The following CNTN5 variants were observed in gnomAD, a reference collection of about 807,000 sequenced individuals.
CNTN5 encodes contactin-5.
CNTN5 carries 77 observed loss-of-function variants against 129.1 expected under a neutral mutation model. The observed-to-expected ratio is 0.60, with a 90% confidence interval of 0.50 to 0.72. The LOEUF is 0.72. Ranked by LOEUF, CNTN5 falls within the 30% of genes least tolerant of loss-of-function variation. The pLI, the probability that CNTN5 is intolerant of heterozygous loss-of-function variation, is 0.00. For synonymous variants in CNTN5, 509 were observed against 465.6 expected (o/e 1.09, Z -1.20); for missense variants, 1,478 against 1,328.8 (o/e 1.11, Z -1.75).
chr11:100,145,386 G>T (rs1946818245), intron 13 of CNTN5, among the ~76,000 whole-genome samples: 1 of 152,084 alleles, frequency 6.6e-6, no homozygotes. Flanking sequence ...CCCATTTGCT[G>T]CTCATTGATC....
rs146688328 is a variant in CNTN5, at chr11:99,720,348, G to A, written c.56-99196G>A. Reference sequence around the variant, plus strand: ...GGCTTCCCCCTAGGATGCAAAGTTGGCTCAACATATTTAAATCAGTAAATA... The same window carrying A: ...GGCTTCCCCCTAGGATGCAAAGTTGACTCAACATATTTAAATCAGTAAATA... On this transcript the variant is annotated intron_variant, in intron 3 of 24. Coordinates refer to ENST00000524871, the MANE Select transcript of CNTN5 (RefSeq NM_014361.4). Among the ~76,000 whole-genome samples, 1,045 of 152,154 alleles carry A rather than the reference G, an allele frequency of 6.9e-3. 11 individuals carry two copies. Among genetic ancestry groups the A allele is most frequent in the Non-Finnish European group, 9.0e-3 (612 of 67,986 alleles).
At chr11:99,079,645 A>C (rs527616689) in intron 1 of CNTN5, among the ~76,000 whole-genome samples, 1 of 152,326 alleles carries the variant, frequency 6.6e-6, no homozygotes, top group East Asian at 1.9e-4. Context: ...TTTCCAGCTA[A>C]ATTTATGAGC....
chr11:99,504,017 T>C (rs1946523045), intron 2 of CNTN5, among the ~76,000 whole-genome samples: 1 of 152,198 alleles, frequency 6.6e-6, no homozygotes. Flanking sequence ...TGTGTGTTAA[T>C]TGTTCAATGA....
chr11:100,059,254 A>T (rs2137794410), intron 9 of CNTN5, among the ~76,000 whole-genome samples: 1 of 152,276 alleles, frequency 6.6e-6, no homozygotes, highest in East Asian at 1.9e-4. Context: ...TGGGTGAGAG[A>T]TCCAAACATT....
chr11:100,221,568 G>T (rs542394088), intron 15 of CNTN5, among the ~76,000 whole-genome samples: 1 of 152,122 alleles, frequency 6.6e-6, no homozygotes, highest in Non-Finnish European at 1.5e-5. Context: ...CTAATGAAAC[G>T]ATCTGACCAA....
At chr11:99,060,165 T>TAAA (rs1864815258) in intron 1 of CNTN5, among the ~76,000 whole-genome samples, 1 of 152,030 alleles carries the variant, frequency 6.6e-6, no homozygotes, top group South Asian at 2.1e-4. Context: ...TATGGGCCTG[T>TAAA]AAATAAGCTG....
At chr11:99,602,704 C>T (rs971660678) in intron 3 of CNTN5, among the ~76,000 whole-genome samples, 2 of 151,518 alleles carry the variant, frequency 1.3e-5, no homozygotes, top group African/African-American at 2.4e-5. Context: ...CCCTGTCTGA[C>T]AGCTTTGAAG....
chr11:99,994,176 G>A (rs1939301291), intron 8 of CNTN5, among the ~76,000 whole-genome samples: 1 of 146,852 alleles, frequency 6.8e-6, no homozygotes. Context: ...ACAAAAGAAT[G>A]TCTTCTTTGC....
chr11:100,239,205 G>T (rs1394797517), intron 16 of CNTN5, among the ~76,000 whole-genome samples: 1 of 152,172 alleles, frequency 6.6e-6, no homozygotes, highest in Non-Finnish European at 1.5e-5. Flanking sequence ...TTAGTTTACA[G>T]AAGGACTTTT....
At chr11:99,287,838 G>A (rs1313428176) in intron 1 of CNTN5, among the ~76,000 whole-genome samples, 1 of 151,894 alleles carries the variant, frequency 6.6e-6, no homozygotes, top group African/African-American at 2.4e-5. Context: ...TTAGAAGGAG[G>A]AGGAAAAGAA....
chr11:99,476,531 G>T lies in CNTN5; in HGVS notation c.-70-79614G>T, dbSNP rs571912552. Among the ~76,000 whole-genome samples, 4 of 152,242 alleles carry T rather than the reference G, an allele frequency of 2.6e-5. No homozygotes were observed. In the East Asian group the frequency reaches 7.7e-4, roughly 29 times the overall value. On this transcript the variant is annotated intron_variant, in intron 2 of 24. Transcript: ENST00000524871. The stretch of plus-strand genomic sequence containing the variant: ...TAGGAAATTATAGTGCACAAAATAT[G>T]ATACGTACTTTGTGTTACCTAAACA...
intron 3 of CNTN5, among the ~76,000 whole-genome samples, chr11:99,789,319 G>A (rs150113372): frequency 3.9e-5 from 6 of 151,978 alleles, no homozygotes; most frequent in African/African-American, 1.4e-4. Flanking sequence ...TGATTTTACA[G>A]ATTAGAGAGA....
intron 3 of CNTN5, among the ~76,000 whole-genome samples, chr11:99,647,469 T>G (rs1470401004): frequency 6.6e-6 from 1 of 152,024 alleles, no homozygotes; most frequent in Non-Finnish European, 1.5e-5. Context: ...AATCTAGTAG[T>G]CTCATACTTT....
At chr11:99,815,602 C>T (rs555493525) in intron 3 of CNTN5, among the ~76,000 whole-genome samples, 6 of 152,108 alleles carry the variant, frequency 3.9e-5, no homozygotes, top group Non-Finnish European at 7.4e-5. Context: ...CTTGAAAAGG[C>T]CTCTTCATCC....
intron 3 of CNTN5, among the ~76,000 whole-genome samples, chr11:99,813,854 T>C (rs1234844481): frequency 6.6e-6 from 1 of 152,088 alleles, no homozygotes; most frequent in Middle Eastern, 3.2e-3. Context: ...CTTAGCAATA[T>C]CTTGGTAATT....
In CNTN5 at chr11:99,092,176, T is replaced by G. The variant is rs148309223; in HGVS notation, c.-210+70906T>G. The stretch of plus-strand genomic sequence containing the variant: ...TCATAATTGTATGACTTCTTCAGTA[T>G]TTTAGGTGCAATTTTTAAAAGTAGT... On this transcript the variant is annotated intron_variant, in intron 1 of 24. Transcript: ENST00000524871. Among the ~76,000 whole-genome samples, 194 of 152,300 alleles carry G rather than the reference T, an allele frequency of 1.3e-3. 1 individual carries two copies. The highest frequency in any genetic ancestry group is 4.4e-3 in the African/African-American group (183 of 41,580).
chr11:99,203,744 T>C (rs1018402560), intron 1 of CNTN5, among the ~76,000 whole-genome samples: 2 of 152,056 alleles, frequency 1.3e-5, no homozygotes, highest in African/African-American at 4.8e-5. Flanking sequence ...ATTACAGGCA[T>C]GTGCCAGCAC....
intron 3 of CNTN5, among the ~76,000 whole-genome samples, chr11:99,597,407 C>A (rs1354897122): frequency 6.6e-6 from 1 of 152,028 alleles, no homozygotes; most frequent in Non-Finnish European, 1.5e-5. Flanking sequence ...ATTTTGAATT[C>A]TTCTCCTTCC....
At chr11:99,179,492 C>T (rs1177591919) in intron 1 of CNTN5, among the ~76,000 whole-genome samples, 7 of 151,756 alleles carry the variant, frequency 4.6e-5, no homozygotes, top group Admixed American at 4.6e-4. Context: ...ACATAAAAAA[C>T]AACAAAAAAA....
Sources: gnomAD v4.1 joint callset for allele counts (sites outside exome capture counted in the v4.1 genomes callset) on GRCh38, gnomAD v4.1.1 for gene constraint, MANE v1.5 for transcripts, NCBI Gene and HGNC (gene_info 2026-07-23, HGNC 2026-07-21) for gene names.